PRKDC: variants seen among roughly 807,000 people sequenced by gnomAD.
The protein encoded by PRKDC is DNA-dependent protein kinase catalytic subunit.
Under a neutral mutation model 486.9 loss-of-function variants are expected in PRKDC, and 82 were observed. The observed-to-expected ratio is 0.17, with a 90% CI of 0.14 to 0.20. The LOEUF is 0.20. PRKDC is among the 10% of genes least tolerant of loss of function. The pLI is 1.00. For missense variants in PRKDC, 4,504 were observed against 5,038.2 expected, an observed-to-expected ratio of 0.89 and a Z score of 3.21; for synonymous variants, 1,895 against 1,837.0, an observed-to-expected ratio of 1.03 and a Z score of -0.81.
intron 54 of PRKDC, among the ~76,000 whole-genome samples, chr8:47,843,965 T>C (rs1430257244): frequency 6.6e-6 from 1 of 152,192 alleles, no homozygotes; most frequent in African/African-American, 2.4e-5. Context: ...AGCCCACAGA[T>C]ACTATAAAGC....
At chr8:47,801,207 G>A (rs535986636) in intron 70 of PRKDC, among the ~76,000 whole-genome samples, 19 of 152,184 alleles carry the variant, frequency 1.2e-4, no homozygotes, top group African/African-American at 4.3e-4. Flanking sequence ...AATTAGCTGG[G>A]ACTACAGGCT....
rs368021454 is a variant in PRKDC, at chr8:47,849,279, C to G, written c.7155G>C (p.Leu2385=). 3.1e-6 allele frequency: 5 copies of G among 1,613,926 alleles called. No individual in the cohort carries two copies. The highest frequency in any genetic ancestry group is 4.2e-6 in the Non-Finnish European group (5 of 1,179,892). Residue 2385 remains leucine (L), a synonymous_variant, in exon 54 of 86, where the codon CTG becomes CTC. Transcript: ENST00000314191. ...ADRFMNAVFF[L]LPKFHGVLKT... is the part of the protein sequence containing the mutation. ...TCAACACTCCATGAAATTTTGGCAG[C>G]AGAAAGAACACAGCATTCATGAACC...
intron 33 of PRKDC, 118 bp from the exon 34 acceptor site, chr8:47,888,768 C>A (rs1002054868): frequency 3.7e-6 from 5 of 1,355,434 alleles, no homozygotes; most frequent in Non-Finnish European, 4.9e-6. Context: ...CTAACAGGAT[C>A]CACACGCACT....
intron 63 of PRKDC, among the ~76,000 whole-genome samples, chr8:47,824,759 C>T (rs1335203923): frequency 6.6e-6 from 1 of 152,194 alleles, no homozygotes; most frequent in Non-Finnish European, 1.5e-5. Context: ...AATCAAGCTT[C>T]CCAGTCCATG....
intron 22 of PRKDC, among the ~76,000 whole-genome samples, chr8:47,917,679 T>C (rs1180753569): frequency 6.6e-6 from 1 of 152,142 alleles, no homozygotes; most frequent in Non-Finnish European, 1.5e-5. Flanking sequence ...GATCTAAGCA[T>C]AAATGAAAGT....
In PRKDC at chr8:47,778,561, G is replaced by A. The variant is rs1272030630; in HGVS notation, c.11751C>T (p.Ile3917=). The A allele has an allele frequency of 1.9e-6, 3 of 1,613,842 alleles. No individual in the cohort carries two copies. The highest frequency in any genetic ancestry group is 2.5e-6 in the Non-Finnish European group (3 of 1,179,842). Residue 3917 remains isoleucine, a synonymous_variant, in exon 83 of 86, where the codon ATC becomes ATT. Coordinates refer to ENST00000314191, the MANE Select transcript of PRKDC (RefSeq NM_006904.7). ...SHALICISHW[I]LGIGDRHLNN... is the part of the protein sequence containing the mutation. ...TCAGATGTCTGTCTCCAATCCCGAG[G>A]ATCCAGTGGCTGATGCATATCAGAG... is the stretch of plus-strand genomic sequence containing the variant.
intron 22 of PRKDC, among the ~76,000 whole-genome samples, chr8:47,917,045 C>T (rs2089996815): frequency 1.3e-5 from 2 of 152,096 alleles, no homozygotes; most frequent in South Asian, 2.1e-4. Flanking sequence ...TGCTTAACCC[C>T]AGGAGTTCAA....
intron 68 of PRKDC, among the ~76,000 whole-genome samples, chr8:47,814,302 G>A (rs368298633): frequency 1.3e-5 from 2 of 152,042 alleles, no homozygotes; most frequent in East Asian, 3.9e-4. Context: ...CTAACATCAG[G>A]AATAAAACTA....
At chr8:47,915,190 T>C in intron 23 of PRKDC, 138 bp downstream of exon 23, 1 of 535,616 alleles carries the variant, frequency 1.9e-6, no homozygotes, top group Non-Finnish European at 3.2e-6. Context: ...TTAGGCAAGA[T>C]ATTATTCTTT....
At chr8:47,872,782 T>A (rs2088986386) in intron 40 of PRKDC, among the ~76,000 whole-genome samples, 1 of 152,164 alleles carries the variant, frequency 6.6e-6, no homozygotes, top group African/African-American at 2.4e-5. Context: ...AGCACTCAGA[T>A]ATATAAATCA....
chr8:47,859,059 G>A, intron 46 of PRKDC, 73 bp from the exon 47 acceptor site: 1 of 1,542,530 alleles, frequency 6.5e-7, no homozygotes, highest in South Asian at 1.1e-5. Flanking sequence ...GATGTGGGAG[G>A]CTCTTTCTGG....
At chr8:47,858,222 G>T (rs2088589682) in intron 48 of PRKDC, among the ~76,000 whole-genome samples, 1 of 145,454 alleles carries the variant, frequency 6.9e-6, no homozygotes, top group Non-Finnish European at 1.5e-5. Flanking sequence ...TATAAGGAAA[G>T]AACGTTGGCA....
chr8:47,897,361 A>G (rs1381395086), intron 29 of PRKDC, 67 bp from the exon 30 acceptor site: 1 of 1,421,904 alleles, frequency 7.0e-7, no homozygotes, highest in Non-Finnish European at 9.4e-7. Context: ...CCAAGGCTCT[A>G]GAAATCATAA....
In PRKDC at chr8:47,791,344, G is replaced by A. The variant is rs571351627; in HGVS notation, c.10671-2106C>T. Among the ~76,000 whole-genome samples the A allele has an allele frequency of 1.3e-4, 20 of 152,126 alleles. No homozygotes were observed. In the South Asian group the frequency reaches 2.9e-3, roughly 22 times the overall value. ...ACAAAAATTAGCGGGGCATGGTGGCGCCTGCCTGTAATCCCAGCTACTCAG... is the reference window on the plus strand; with the variant it reads ...ACAAAAATTAGCGGGGCATGGTGGCACCTGCCTGTAATCCCAGCTACTCAG... On this transcript the variant is annotated intron_variant, in intron 74 of 85. Coordinates refer to ENST00000314191, the MANE Select transcript of PRKDC (RefSeq NM_006904.7).
At chr8:47,945,786 A>G (rs186034401) in intron 7 of PRKDC, among the ~76,000 whole-genome samples, 2 of 152,114 alleles carry the variant, frequency 1.3e-5, no homozygotes, top group Admixed American at 1.3e-4. Flanking sequence ...CAGTGGCACG[A>G]TCTCAGCTCA....
Position 47,900,864 on chromosome 8 carries a change from TG to T in PRKDC, c.3270-398del, listed in dbSNP as rs1172748298. 4.0e-5 allele frequency among the ~76,000 whole-genome samples: 6 copies of T among 149,150 alleles called. No individual in the cohort carries two copies. The East Asian group carries it at 1.0e-3, about 25-fold the overall frequency. Reference sequence around the variant, plus strand: ...ACTCCAGCTCAAAAAAAAAAAAAATTGTTTTTTTGTTGTTGTTTTTTTAAAG... The same window carrying T: ...ACTCCAGCTCAAAAAAAAAAAAAATTTTTTTTTGTTGTTGTTTTTTTAAAG... On this transcript the variant is annotated intron_variant, in intron 27 of 85. Transcript: ENST00000314191.
chr8:47,892,311 T>C (rs900249154), intron 31 of PRKDC, among the ~76,000 whole-genome samples: 3 of 152,288 alleles, frequency 2.0e-5, no homozygotes, highest in Middle Eastern at 3.4e-3. Context: ...TGTGCACTAA[T>C]AACAAATATA....
Position 47,774,368 on chromosome 8 carries a change from T to A in PRKDC, c.12192A>T (p.Leu4064=). 6.2e-7 allele frequency: 1 copy of A among 1,612,460 alleles called. No individual in the cohort carries two copies. Among genetic ancestry groups the A allele is most frequent in the Non-Finnish European group, 8.5e-7 (1 of 1,179,656 alleles). Residue 4064 remains leucine, a synonymous_variant, in exon 86 of 86, where the codon CTA becomes CTT. Coordinates refer to ENST00000314191, the MANE Select transcript of PRKDC (RefSeq NM_006904.7). Reference sequence around the variant, plus strand: ...CAGGGGCCTTCTCATGACCCAGGAGTAGCTCATCACTGGAAAAAAAACAAA... The same window carrying A: ...CAGGGGCCTTCTCATGACCCAGGAGAAGCTCATCACTGGAAAAAAAACAAA... ...ANPAVITCDE[L]LLGHEKAPAF... is the part of the protein sequence containing the mutation.
chr8:47,858,677 A>G, intron 47 of PRKDC, 42 bp from the exon 48 acceptor site: 1 of 1,455,554 alleles, frequency 6.9e-7, no homozygotes, highest in South Asian at 1.4e-5. Context: ...CGTGGAATAA[A>G]ATAATGATAC....
Sources: allele counts gnomAD v4.1 joint callset (sites outside exome capture counted in the v4.1 genomes callset), GRCh38; gene constraint gnomAD v4.1.1; transcripts MANE v1.5; gene names NCBI Gene and HGNC (gene_info 2026-07-23, HGNC 2026-07-21).